The following ADGRL3 variants were observed in gnomAD, a reference collection of about 807,000 sequenced individuals.
ADGRL3 encodes the protein calcium-independent alpha-latrotoxin receptor 3.
ADGRL3 carries 62 observed loss-of-function variants against 153.5 expected under a neutral mutation model. The ratio of observed to expected loss-of-function variants is 0.40; its 90% CI spans 0.33 to 0.50. ADGRL3 has a LOEUF of 0.50. ADGRL3 is among the 20% of genes least tolerant of loss of function. The pLI, the probability that ADGRL3 is intolerant of heterozygous loss-of-function variation, is 0.47. For synonymous variants in ADGRL3, 710 were observed against 672.5 expected, an observed-to-expected ratio of 1.06 and a Z score of -0.86; for missense variants, 1,641 against 1,859.4, an observed-to-expected ratio of 0.88 and a Z score of 2.16.
rs77076307 is a variant in ADGRL3, at chr4:61,313,335, T to G, written c.-239-69789T>G. ...GCTGATACATGCCACTATACATTTGTTAAAACCCATAGGATGTACAACACA... is the reference window on the plus strand; with the variant it reads ...GCTGATACATGCCACTATACATTTGGTAAAACCCATAGGATGTACAACACA... On this transcript the variant is annotated intron_variant, in intron 1 of 26. Transcript: ENST00000683033. 2.1e-3 allele frequency among the ~76,000 whole-genome samples: 325 copies of G among 152,322 alleles called. 1 individual carries two copies. Among genetic ancestry groups the G allele is most frequent in the African/African-American group, 5.7e-3 (237 of 41,576 alleles).
intron 5 of ADGRL3, among the ~76,000 whole-genome samples, chr4:61,595,497 G>C (rs748602795): frequency 2.0e-5 from 3 of 152,028 alleles, no homozygotes; most frequent in Non-Finnish European, 4.4e-5. Context: ...GATTCTGCCC[G>C]GCGCCCTATC....
In ADGRL3 at chr4:61,294,903, TCACACACACACACACACA is replaced by T. The variant is rs3035670; in HGVS notation, c.-239-88206_-239-88189del. The stretch of plus-strand genomic sequence containing the variant: ...AAATTTTACACACACACACACACAC[TCACACACACACACACACA>T]CACACACACACACAGTAGTCCCCAT... On this transcript the variant is annotated intron_variant, in intron 1 of 26. Coordinates refer to ENST00000683033, the MANE Select transcript of ADGRL3 (RefSeq NM_001387552.1). 9.9e-5 allele frequency among the ~76,000 whole-genome samples: 13 copies of T among 131,032 alleles called. No homozygotes were observed. The East Asian group carries it at 2.6e-3, about 26-fold the overall frequency. The allele number at this position is 131,032 out of a possible 152,430, so 86.0% of individuals were successfully genotyped here. A position where few individuals can be genotyped will look rare whatever the true frequency, so the allele number is the denominator to read the frequency against.
At chr4:61,567,384 G>T (rs887053797) in intron 4 of ADGRL3, among the ~76,000 whole-genome samples, 14 of 152,152 alleles carry the variant, frequency 9.2e-5, no homozygotes, top group Admixed American at 9.2e-4. Flanking sequence ...TATGATATCA[G>T]GAGGTGGGGC....
chr4:61,227,443 A>C (rs536251464), intron 1 of ADGRL3, among the ~76,000 whole-genome samples: 162 of 152,228 alleles, frequency 1.1e-3, no homozygotes, highest in African/African-American at 3.7e-3. Context: ...TCCTGGACTC[A>C]AGCGATCCTT....
In ADGRL3 at chr4:61,895,848, C is replaced by T. The variant is rs1355136951; in HGVS notation, c.1887+14C>T. ...ATAACACAGAAGGTAAATCTTGTGA[C>T]TGACAAGAAAGTCTTTGCTAAAACT... is the stretch of plus-strand genomic sequence containing the variant. On this transcript the variant is annotated intron_variant, in intron 11 of 26. Coordinates refer to ENST00000683033, the MANE Select transcript of ADGRL3 (RefSeq NM_001387552.1). 1 of 1,451,516 alleles carries T rather than the reference C, an allele frequency of 6.9e-7. No individual in the cohort carries two copies. Among genetic ancestry groups the T allele is most frequent in the South Asian group, 1.3e-5 (1 of 79,652 alleles). The allele number at this position is 1,451,516 out of a possible 1,614,324, so 89.9% of individuals were successfully genotyped here. A position where few individuals can be genotyped will look rare whatever the true frequency, so the allele number is the denominator to read the frequency against.
intron 5 of ADGRL3, among the ~76,000 whole-genome samples, chr4:61,620,873 T>C (rs987216695): frequency 6.6e-6 from 1 of 151,898 alleles, no homozygotes; most frequent in African/African-American, 2.4e-5. Flanking sequence ...TCTCCTGACC[T>C]CGTGATCCAC....
intron 1 of ADGRL3, among the ~76,000 whole-genome samples, chr4:61,241,591 C>G (rs535444723): frequency 1.8e-4 from 27 of 152,034 alleles, no homozygotes; most frequent in African/African-American, 6.5e-4. Context: ...TACTTAGAAA[C>G]AAAATGTGCA....
intron 6 of ADGRL3, among the ~76,000 whole-genome samples, chr4:61,724,885 C>A (rs776103951): frequency 6.6e-6 from 1 of 152,108 alleles, no homozygotes; most frequent in Non-Finnish European, 1.5e-5. Flanking sequence ...TTATTCAGCA[C>A]AGGTTTGTTT....
intron 1 of ADGRL3, among the ~76,000 whole-genome samples, chr4:61,224,405 C>T (rs534549310): frequency 1.3e-5 from 2 of 152,190 alleles, no homozygotes; most frequent in East Asian, 3.9e-4. Flanking sequence ...TTATTTTGTT[C>T]TTTCATTTTT....
At position 62,037,870 on chromosome 4, in the gene ADGRL3, G is replaced by C; in HGVS notation, c.3717+14G>C. On this transcript the variant is annotated intron_variant, in intron 24 of 26. Transcript: ENST00000683033. ...ACAGGCTCACAGGTAAACAATATTT[G>C]TTCACTGAAATGAAGTAATTCTTAA... The C allele has an allele frequency of 6.2e-7, 1 of 1,613,446 alleles. No individual in the cohort carries two copies. Among genetic ancestry groups the C allele is most frequent in the Non-Finnish European group, 8.5e-7 (1 of 1,179,594 alleles).
chr4:61,671,312 C>G (rs573686272), intron 5 of ADGRL3, among the ~76,000 whole-genome samples: 1 of 152,278 alleles, frequency 6.6e-6, no homozygotes, highest in African/African-American at 2.4e-5. Flanking sequence ...GACAAATTAA[C>G]AGTAAATGAT....
chr4:61,785,486 A>G (rs1053700790), intron 8 of ADGRL3, among the ~76,000 whole-genome samples: 15 of 152,164 alleles, frequency 9.9e-5, no homozygotes, highest in African/African-American at 3.6e-4. Context: ...TGGAAACAAA[A>G]TGTAATCTGT....
intron 9 of ADGRL3, among the ~76,000 whole-genome samples, chr4:61,817,367 C>T (rs1398240772): frequency 6.6e-6 from 1 of 152,198 alleles, no homozygotes; most frequent in African/African-American, 2.4e-5. Context: ...CAAGCCCTCC[C>T]ATGGCTGCCC....
intron 10 of ADGRL3, among the ~76,000 whole-genome samples, chr4:61,894,220 C>T (rs2098609985): frequency 6.6e-6 from 1 of 152,018 alleles, no homozygotes; most frequent in Admixed American, 6.6e-5. Flanking sequence ...TTCTCAGGGA[C>T]TTTCTCCTTG....
chr4:61,249,679 C>T (rs1049036895), intron 1 of ADGRL3, among the ~76,000 whole-genome samples: 6 of 152,140 alleles, frequency 3.9e-5, no homozygotes, highest in Admixed American at 2.6e-4. Flanking sequence ...TAGCTGAAAA[C>T]GTTGGGAAAC....
At chr4:61,245,910 T>A (rs1560381208) in intron 1 of ADGRL3, among the ~76,000 whole-genome samples, 1 of 152,158 alleles carries the variant, frequency 6.6e-6, no homozygotes, top group East Asian at 1.9e-4. Flanking sequence ...TCCTTATTCT[T>A]CGTCTTTATT....
chr4:61,668,911 C>T (rs775783058), intron 5 of ADGRL3, among the ~76,000 whole-genome samples: 15 of 151,952 alleles, frequency 9.9e-5, no homozygotes, highest in African/African-American at 2.9e-4. Flanking sequence ...CCCAGTTATT[C>T]GGGAGGCTGA....
chr4:62,014,606 G>A (rs1201029356), intron 21 of ADGRL3, among the ~76,000 whole-genome samples: 1 of 152,184 alleles, frequency 6.6e-6, no homozygotes, highest in Admixed American at 6.6e-5. Flanking sequence ...ATAGATGGGT[G>A]AGAACACTAC....
intron 2 of ADGRL3, among the ~76,000 whole-genome samples, chr4:61,419,962 AT>A (rs915223173): frequency 4.5e-4 from 68 of 150,622 alleles, no homozygotes; most frequent in African/African-American, 1.5e-3. Flanking sequence ...CCCGGCTGAT[AT>A]TTTTTTTTAT....
Sources: allele counts gnomAD v4.1 joint callset (sites outside exome capture counted in the v4.1 genomes callset), GRCh38; gene constraint gnomAD v4.1.1; transcripts MANE v1.5; gene names NCBI Gene and HGNC (gene_info 2026-07-23, HGNC 2026-07-21).